TTBK1: variants seen among roughly 807,000 people sequenced by gnomAD.
The protein encoded by TTBK1 is tau-tubulin kinase 1.
Under a neutral mutation model 108.5 loss-of-function variants are expected in TTBK1, and 34 were observed. That is an observed-to-expected ratio of 0.31 (90% CI 0.24 to 0.42). TTBK1 has a LOEUF of 0.42. Among genes scored for constraint, TTBK1 ranks in the 10% least tolerant of loss-of-function variants. The probability of loss-of-function intolerance (pLI) is 1.00; values close to 1 mark genes in which losing one functional copy is unlikely to be tolerated. For missense variants in TTBK1, 1,539 were observed against 1,826.0 expected (o/e 0.84, Z 2.86); for synonymous variants, 809 against 795.1 (o/e 1.02, Z -0.29).
intron 13 of TTBK1, among the ~76,000 whole-genome samples, chr6:43,267,383 C>T (rs1209545259): frequency 2.6e-5 from 4 of 152,154 alleles, no homozygotes; most frequent in African/African-American, 7.2e-5. Flanking sequence ...GGAGATTATG[C>T]GGCTCAGGGC....
At chr6:43,275,061 TCACACTCACACC>T (rs1027950605) in intron 13 of TTBK1, among the ~76,000 whole-genome samples, 4 of 151,980 alleles carry the variant, frequency 2.6e-5, no homozygotes, top group Non-Finnish European at 4.4e-5. Context: ...CCTCACGCAC[TCACACTCACACC>T]CACACTCACA....
intron 1 of TTBK1, among the ~76,000 whole-genome samples, chr6:43,244,728 A>C (rs775643386): frequency 2.0e-5 from 3 of 152,034 alleles, no homozygotes; most frequent in Non-Finnish European, 4.4e-5. Flanking sequence ...AATTTTCCTT[A>C]TCAACCTAAC....
intron 13 of TTBK1, chr6:43,271,150 A>T: frequency 2.0e-6 from 2 of 985,452 alleles, no homozygotes; most frequent in Non-Finnish European, 2.4e-6. Context: ...ATGCGGTAGT[A>T]GTGAAGTGGG....
At chr6:43,279,676 T>TG (rs2150711442) in intron 13 of TTBK1, among the ~76,000 whole-genome samples, 1 of 152,346 alleles carries the variant, frequency 6.6e-6, no homozygotes, top group South Asian at 2.1e-4. Context: ...AATGAATGAA[T>TG]GGATTAATAA....
chr6:43,254,424 T>C (rs1459959588), intron 5 of TTBK1, 123 bp from the exon 6 acceptor site: 1 of 638,412 alleles, frequency 1.6e-6, no homozygotes, highest in Admixed American at 3.2e-5. Flanking sequence ...TGACGTTTCC[T>C]TGCGGGCGAG....
At position 43,246,727 on chromosome 6, in the gene TTBK1, A is replaced by G; in HGVS notation, c.67A>G (p.Ile23Val). ...NMSGGGEQAD[I>V]LPANYVVKDR... The stretch of plus-strand genomic sequence containing the variant: ...GAGTGGGGGAGGGGAGCAGGCCGAC[A>G]TCCTGCCGGCCAACTACGTGGTCAA... Residue 23 changes from isoleucine to valine, a missense_variant, in exon 2 of 15, where the codon ATC (isoleucine) becomes GTC (valine). Transcript: ENST00000259750. 2 of 1,611,250 alleles carry G rather than the reference A, an allele frequency of 1.2e-6. No individual in the cohort carries two copies. The highest frequency in any genetic ancestry group is 8.5e-7 in the Non-Finnish European group (1 of 1,178,740).
intron 12 of TTBK1, among the ~76,000 whole-genome samples, chr6:43,260,814 G>A (rs1251296004): frequency 1.3e-5 from 2 of 152,102 alleles, no homozygotes; most frequent in East Asian, 1.9e-4. Context: ...GACAGCAGAG[G>A]GTCTGGATGG....
Position 43,285,312 on chromosome 6 carries a change from A to G in TTBK1, c.3902A>G (p.Gln1301Arg). The G allele has an allele frequency of 7.7e-7, 1 of 1,294,144 alleles. No individual in the cohort carries two copies. Among genetic ancestry groups the G allele is most frequent in the Non-Finnish European group, 9.7e-7 (1 of 1,026,120 alleles). The allele number at this position is 1,294,144 out of a possible 1,614,324, so 80.2% of individuals were successfully genotyped here. A position where few individuals can be genotyped will look rare whatever the true frequency, so the allele number is the denominator to read the frequency against. Reference sequence around the variant, plus strand: ...AAGAAAGGACCCAGAGGGAAACTCCAGGCTCAGCGCGCAACAACCAAAGGC... The same window carrying G: ...AAGAAAGGACCCAGAGGGAAACTCCGGGCTCAGCGCGCAACAACCAAAGGC... ...GSKKGPRGKL[Q>R]AQRATTKGRA... Residue 1301 changes from glutamine to arginine, a missense_variant, in exon 15 of 15, where the codon CAG becomes CGG. Gln to Arg is a conservative substitution (Grantham distance 43). Transcript: ENST00000259750. This position sits in a 1 kb window ranked among gnomAD's most constrained non-coding sequence, Gnocchi z 4.7.
At chr6:43,258,109 ACT>A (rs1373594517) in intron 10 of TTBK1, 143 bp downstream of exon 10, 17 of 952,604 alleles carry the variant, frequency 1.8e-5, no homozygotes, top group Non-Finnish European at 2.5e-5. Flanking sequence ...ACTTTGGGAA[ACT>A]CTGCCACATC....
intron 6 of TTBK1, among the ~76,000 whole-genome samples, 169 bp from the exon 7 acceptor site, chr6:43,254,880 C>G (rs554787605): frequency 1.3e-5 from 2 of 152,182 alleles, no homozygotes; most frequent in African/African-American, 4.8e-5. Context: ...CCACTCTGGG[C>G]AGGGAGCAGG....
intron 13 of TTBK1, among the ~76,000 whole-genome samples, chr6:43,274,985 C>G (rs1017318689): frequency 5.2e-4 from 79 of 152,326 alleles, no homozygotes; most frequent in African/African-American, 1.8e-3. Context: ...CACCACTCAC[C>G]CTCCCTCCCT....
At chr6:43,284,552 G>A (rs1355007273) in intron 14 of TTBK1, among the ~76,000 whole-genome samples, 4 of 152,240 alleles carry the variant, frequency 2.6e-5, no homozygotes, top group African/African-American at 9.6e-5. Flanking sequence ...GGAGAGGCCA[G>A]GCTTAGGAAA....
At chr6:43,252,182 CTGTG>C (rs58985204) in intron 2 of TTBK1, among the ~76,000 whole-genome samples, 1,889 of 140,084 alleles carry the variant, frequency 0.013, 20 homozygotes, top group Middle Eastern at 0.032. Context: ...ACATCTGGCT[CTGTG>C]TGTGTGTGTG....
In TTBK1 at chr6:43,258,866, G is replaced by A. The variant is rs547045336; in HGVS notation, c.1017-172G>A. On this transcript the variant is annotated intron_variant, in intron 10 of 14. Coordinates refer to ENST00000259750, the MANE Select transcript of TTBK1 (RefSeq NM_032538.3). ...AACTTGAGGGTCGTCTGGTCTCAGAGGCTTTGTGGGCCAGCAATGGTGATG... is the reference window on the plus strand; with the variant it reads ...AACTTGAGGGTCGTCTGGTCTCAGAAGCTTTGTGGGCCAGCAATGGTGATG... 1.1e-4 allele frequency among the ~76,000 whole-genome samples: 17 copies of A among 152,302 alleles called. No individual in the cohort carries two copies. The East Asian group carries it at 3.1e-3, about 28-fold the overall frequency.
Position 43,263,224 on chromosome 6 carries a change from G to A in TTBK1, c.1860G>A (p.Leu620=). ...CGCCCCAGCCCCTGCCACCCCAGCT[G>A]AGCCAGGGCGATGGCCGTTCCGAGA... The part of the protein sequence containing the change: ...HLPPQPLPPQ[L]SQGDGRSETS... The change falls in exon 13 of 15, where the codon CTG becomes CTA. Residue 620 remains leucine, a synonymous_variant. Coordinates refer to ENST00000259750, the MANE Select transcript of TTBK1 (RefSeq NM_032538.3). The surrounding 1 kb of genome is among the most constrained non-coding windows in gnomAD (Gnocchi z 4.7). The A allele has an allele frequency of 6.3e-7, 1 of 1,575,854 alleles. No homozygotes were observed. The highest frequency in any genetic ancestry group is 8.6e-7 in the Non-Finnish European group (1 of 1,160,442).
In TTBK1 at chr6:43,287,537, T is replaced by A. The variant is rs1237950350; in HGVS notation, c.*2161T>A. 1 of 152,254 alleles carries A rather than the reference T, an allele frequency of 6.6e-6. No individual in the cohort carries two copies. Among genetic ancestry groups the A allele is most frequent in the Non-Finnish European group, 1.5e-5 (1 of 68,042 alleles). The allele number at this position is 152,254 out of a possible 1,614,324, so 9.4% of individuals were successfully genotyped here. A position where few individuals can be genotyped will look rare whatever the true frequency, so the allele number is the denominator to read the frequency against. On this transcript the variant is annotated 3_prime_UTR_variant, in exon 15 of 15. Coordinates refer to ENST00000259750, the MANE Select transcript of TTBK1 (RefSeq NM_032538.3). The surrounding 1 kb of genome is among the most constrained non-coding windows in gnomAD (Gnocchi z 4.1). ...CAGAGACGCAAAACCCAGTCTGCCC[T>A]TGGGATTCCAAACCTCCCTAGGGCT...
chr6:43,284,402 ATG>A, intron 14 of TTBK1, 90 bp downstream of exon 14: 4 of 1,372,634 alleles, frequency 2.9e-6, no homozygotes, highest in Non-Finnish European at 3.7e-6. Context: ...GTCAGGGGCT[ATG>A]GAAGATCAGG....
Position 43,262,927 on chromosome 6 carries a change from G to A in TTBK1, c.1563G>A (p.Glu521=), listed in dbSNP as rs1159135084. The A allele has an allele frequency of 6.2e-7, 1 of 1,614,088 alleles. No homozygotes were observed. The highest frequency in any genetic ancestry group is 2.2e-5 in the East Asian group (1 of 44,882). ...RMDVSASVEQ[E]ALSNAFRSVP... ...ACGTGTCAGCCTCTGTGGAGCAGGA[G>A]GCCCTGAGCAACGCCTTCCGCTCGG... The change falls in exon 13 of 15, where the codon GAG becomes GAA. Residue 521 remains glutamate (E), a synonymous_variant. Transcript: ENST00000259750.
Position 43,273,280 on chromosome 6 carries a change from A to G in TTBK1, c.1987-9447A>G, listed in dbSNP as rs1184203571. 6.6e-6 allele frequency among the ~76,000 whole-genome samples: 1 copy of G among 152,140 alleles called. No homozygotes were observed. Among genetic ancestry groups the G allele is most frequent in the African/African-American group, 2.4e-5 (1 of 41,426 alleles). The stretch of plus-strand genomic sequence containing the variant: ...GTCCTTTGCGGTGGGCCCCCTCCTC[A>G]GTCTATAGAAAAGAGGGGAGTTGTC... On this transcript the variant is annotated intron_variant, in intron 13 of 14. Coordinates refer to ENST00000259750, the MANE Select transcript of TTBK1 (RefSeq NM_032538.3). This position sits in a 1 kb window ranked among gnomAD's most constrained non-coding sequence, Gnocchi z 4.2.
Sources: allele counts gnomAD v4.1 joint callset (sites outside exome capture counted in the v4.1 genomes callset), GRCh38; gene constraint gnomAD v4.1.1; non-coding constraint Gnocchi (gnomAD v3.1); transcripts MANE v1.5; gene names NCBI Gene and HGNC (gene_info 2026-07-23, HGNC 2026-07-21).